The following KIAA0586 variants were observed in gnomAD, a reference collection of about 807,000 sequenced individuals.
KIAA0586 encodes protein TALPID3.
KIAA0586 carries 144 observed loss-of-function variants against 169.8 expected under a neutral mutation model. The ratio of observed to expected loss-of-function variants is 0.85; its 90% CI spans 0.74 to 0.97. The LOEUF (loss-of-function observed/expected upper bound fraction) is 0.97, where lower values mean the gene tolerates loss of function less well. KIAA0586 is among the 50% of genes least tolerant of loss of function. The pLI, the probability that KIAA0586 is intolerant of heterozygous loss-of-function variation, is 0.00. For synonymous variants in KIAA0586, 625 were observed against 612.4 expected (o/e 1.02, Z -0.30); for missense variants, 1,854 against 1,823.0 (o/e 1.02, Z -0.31).
chr14:58,441,612 C>T (rs774730803), intron 4 of KIAA0586, among the ~76,000 whole-genome samples: 1 of 152,066 alleles, frequency 6.6e-6, no homozygotes, highest in East Asian at 1.9e-4. Flanking sequence ...TGTTCACAGT[C>T]AGTTACAGAC....
At chr14:58,535,227 G>A (rs923604999) in intron 29 of KIAA0586, among the ~76,000 whole-genome samples, 1 of 152,172 alleles carries the variant, frequency 6.6e-6, no homozygotes, top group African/African-American at 2.4e-5. Context: ...ATTTGTTTTA[G>A]TAGCTGTTTC....
chr14:58,521,796 T>G, intron 29 of KIAA0586: 1 of 813,000 alleles, frequency 1.2e-6, no homozygotes, highest in South Asian at 1.3e-5. Flanking sequence ...GAGCAGTAGT[T>G]CCATGAAGAA....
intron 20 of KIAA0586, among the ~76,000 whole-genome samples, chr14:58,481,823 G>A (rs1023559853): frequency 2.6e-5 from 2 of 76,588 alleles, no homozygotes; most frequent in Admixed American, 4.1e-4. Context: ...GTTTTGTTTT[G>A]TTTTGTTTTT....
At position 58,441,440 on chromosome 14, in the gene KIAA0586, G is replaced by A. The variant is rs1625865; in HGVS notation, c.411-1266G>A. 0.99 allele frequency: 238,276 copies of A among 240,646 alleles called. 118,003 individuals carry two copies. The highest frequency in any genetic ancestry group is 1 in the East Asian group (10,348 of 10,348). 14.9% of individuals were successfully genotyped at this position (240,646 alleles called of 1,614,324 possible). On this transcript the variant is annotated intron_variant, in intron 4 of 30. Coordinates refer to ENST00000652326, the MANE Select transcript of KIAA0586 (RefSeq NM_001329943.3). ...GGTCTCGAACTCCTGGCCTTAAGCT[G>A]TCTGCCCACCTTGGCCTCCCAAAGT...
intron 18 of KIAA0586, among the ~76,000 whole-genome samples, chr14:58,473,561 A>G (rs914710045): frequency 1.3e-5 from 2 of 152,226 alleles, no homozygotes; most frequent in Non-Finnish European, 2.9e-5. Flanking sequence ...TTGGAAGTGT[A>G]TTAGTGTATT....
the KIAA0586 span, among the ~76,000 whole-genome samples, chr14:58,557,014 G>T: frequency 5.3e-5 from 8 of 152,270 alleles, no homozygotes; most frequent in African/African-American, 1.9e-4. Flanking sequence ...CAAAGTGCTG[G>T]GATTACAGGC....
intron 10 of KIAA0586, among the ~76,000 whole-genome samples, chr14:58,457,309 C>T (rs968784374): frequency 5.3e-5 from 8 of 152,178 alleles, no homozygotes; most frequent in African/African-American, 1.9e-4. Context: ...TGCTCTGTCA[C>T]CCAGGCTGGA....
At chr14:58,474,881 C>A (rs967842569) in intron 19 of KIAA0586, 84 bp downstream of exon 19, 3 of 1,016,290 alleles carry the variant, frequency 3.0e-6, no homozygotes, top group East Asian at 2.6e-5. Context: ...GAAAATATTC[C>A]TTGTCTTCTT....
intron 14 of KIAA0586, among the ~76,000 whole-genome samples, chr14:58,462,340 C>T (rs887514568): frequency 2.7e-5 from 4 of 150,656 alleles, no homozygotes; most frequent in African/African-American, 2.4e-5. Flanking sequence ...CTCCACCTCC[C>T]GGGTTCAAAC....
intron 18 of KIAA0586, among the ~76,000 whole-genome samples, chr14:58,473,733 C>T (rs900936032): frequency 4.3e-4 from 65 of 152,074 alleles, no homozygotes; most frequent in African/African-American, 1.5e-3. Context: ...TGGTGAAACC[C>T]CATCTCTACC....
intron 29 of KIAA0586, among the ~76,000 whole-genome samples, chr14:58,522,369 A>G (rs983253642): frequency 6.6e-5 from 10 of 152,190 alleles, no homozygotes; most frequent in Non-Finnish European, 1.3e-4. Context: ...TGCAAAGGCA[A>G]TCTCCTTTAG....
In KIAA0586 at chr14:58,450,678, A is replaced by T; in HGVS notation, c.1061A>T (p.Asp354Val). Residue 354 changes from aspartate to valine, a missense_variant, in exon 8 of 31, where the codon GAT becomes GTT. Transcript: ENST00000652326. ...TTTGCTCCTGTACCTGTTTCAAGGGATGATGAACTATCAAAGAGGGAAAAT... is the reference window on the plus strand; with the variant it reads ...TTTGCTCCTGTACCTGTTTCAAGGGTTGATGAACTATCAAAGAGGGAAAAT... Reference protein sequence around the residue: ...RRFAPVPVSRDDELSKRENLL... With the variant: ...RRFAPVPVSRVDELSKRENLL... 3 of 1,609,022 alleles carry T rather than the reference A, an allele frequency of 1.9e-6. No individual in the cohort carries two copies. The highest frequency in any genetic ancestry group is 2.6e-6 in the Non-Finnish European group (3 of 1,175,424).
intron 17 of KIAA0586, among the ~76,000 whole-genome samples, chr14:58,471,082 C>T (rs1355323927): frequency 3.9e-5 from 6 of 152,076 alleles, no homozygotes; most frequent in Non-Finnish European, 5.9e-5. Flanking sequence ...GAACTCCTGA[C>T]TCCAAGTGAT....
In KIAA0586 at chr14:58,438,880, T is replaced by C. The variant is rs181478930; in HGVS notation, c.411-3826T>C. Among the ~76,000 whole-genome samples, 8 of 152,304 alleles carry C rather than the reference T, an allele frequency of 5.3e-5. 1 individual carries two copies. The South Asian group carries it at 6.2e-4, about 12-fold the overall frequency. On this transcript the variant is annotated intron_variant, in intron 4 of 30. Transcript: ENST00000652326. ...TAGTTAGTGAGGAGTGCCTCGTGTA[T>C]GGAAAGCCAAACAGAGGAAATTAGC...
Position 58,498,952 on chromosome 14 carries a change from C to T in KIAA0586, c.4160C>T (p.Thr1387Ile), listed in dbSNP as rs376795880. 7.6e-5 allele frequency: 122 copies of T among 1,598,520 alleles called. No homozygotes were observed. The African/African-American group carries it at 1.4e-3, about 19-fold the overall frequency. The stretch of plus-strand genomic sequence containing the variant: ...AAACCATTATCTCGGCAATTTGACA[C>T]AGTTTCAGGTAGACACCAAAATATT... ...DPKPLSRQFD[T>I]VSGSIYEDSC... Residue 1387 changes from threonine (T) to isoleucine (I), a missense_variant, in exon 27 of 31, where the codon ACA becomes ATA. Coordinates refer to ENST00000652326, the MANE Select transcript of KIAA0586 (RefSeq NM_001329943.3).
chr14:58,450,253 A>C (rs2039251643), intron 7 of KIAA0586, among the ~76,000 whole-genome samples: 1 of 152,200 alleles, frequency 6.6e-6, no homozygotes, highest in Admixed American at 6.5e-5. Context: ...AAAGTATATA[A>C]AACTTTAATT....
chr14:58,444,102 A>G lies in KIAA0586; in HGVS notation c.734A>G (p.Lys245Arg). ...QEKLHCHDHEKQMNVFMEQHI... is the reference protein window; with the variant it reads ...QEKLHCHDHERQMNVFMEQHI... ...AAATTACATTGTCATGATCACGAAA[A>G]GCAAATGAATGTGTTTATGGAGCAG... is the stretch of plus-strand genomic sequence containing the variant. The change falls in exon 6 of 31, where the codon AAG (lysine) becomes AGG (arginine). Residue 245 changes from lysine (K) to arginine (R), a missense_variant. Lys to Arg is a conservative substitution (Grantham distance 26). Transcript: ENST00000652326. 6.2e-7 allele frequency: 1 copy of G among 1,613,832 alleles called. No individual in the cohort carries two copies. Among genetic ancestry groups the G allele is most frequent in the Non-Finnish European group, 8.5e-7 (1 of 1,179,792 alleles).
chr14:58,478,900 C>G (rs1458497655), intron 20 of KIAA0586, among the ~76,000 whole-genome samples: 1 of 152,100 alleles, frequency 6.6e-6, no homozygotes, highest in Admixed American at 6.5e-5. Context: ...CATGCTATTG[C>G]ATGTAGTAAT....
In KIAA0586 at chr14:58,525,731, C is replaced by T. The variant is rs150793807; in HGVS notation, c.4429+13104C>T. On this transcript the variant is annotated intron_variant, in intron 29 of 30. Coordinates refer to ENST00000652326, the MANE Select transcript of KIAA0586 (RefSeq NM_001329943.3). Reference sequence around the variant, plus strand: ...ACAGAACCATTTGCTCCCCTCGAAACAGGGCTGAAGCCAGGGAGCCAAGTG... The same window carrying T: ...ACAGAACCATTTGCTCCCCTCGAAATAGGGCTGAAGCCAGGGAGCCAAGTG... Among the ~76,000 whole-genome samples, 128 of 152,300 alleles carry T rather than the reference C, an allele frequency of 8.4e-4. 1 individual carries two copies. The highest frequency in any genetic ancestry group is 2.8e-3 in the African/African-American group (117 of 41,558).
Sources: gnomAD v4.1 joint callset for allele counts (sites outside exome capture counted in the v4.1 genomes callset) on GRCh38, gnomAD v4.1.1 for gene constraint, MANE v1.5 for transcripts, NCBI Gene and HGNC (gene_info 2026-07-23, HGNC 2026-07-21) for gene names.